CELF5: variants seen among roughly 807,000 people sequenced by gnomAD.
The protein encoded by CELF5 is CUG-BP and ETR-3 like factor 5.
CELF5 carries 6 observed loss-of-function variants against 54.9 expected under a neutral mutation model. The observed-to-expected ratio is 0.11, with a 90% confidence interval of 0.06 to 0.22. CELF5 has a LOEUF of 0.22. Ranked by LOEUF, CELF5 falls within the 10% of genes least tolerant of loss-of-function variation. The probability of loss-of-function intolerance (pLI) is 1.00; values close to 1 mark genes in which losing one functional copy is unlikely to be tolerated. For synonymous variants in CELF5, 271 were observed against 290.9 expected, an observed-to-expected ratio of 0.93 and a Z score of 0.70; for missense variants, 401 against 678.6, an observed-to-expected ratio of 0.59 and a Z score of 4.54.
At position 3,295,407 on chromosome 19, in the gene CELF5, G is replaced by A. The variant is rs1442444995; in HGVS notation, c.*41-1351G>A. ...TATAGACAGTATATATATATTTTGA[G>A]TACGGATCATGGGACCAAACTTTTC... On this transcript the variant is annotated intron_variant, in intron 12 of 12. Coordinates refer to ENST00000292672, the MANE Select transcript of CELF5 (RefSeq NM_021938.4). The A allele has an allele frequency of 2.0e-5, 3 of 152,066 alleles. No homozygotes were observed. In the East Asian group the frequency reaches 5.8e-4, roughly 29 times the overall value. The allele number at this position is 152,066 out of a possible 1,614,324, so 9.4% of individuals were successfully genotyped here.
chr19:3,284,639 G>C, intron 8 of CELF5: 1 of 528,150 alleles, frequency 1.9e-6, no homozygotes, highest in Non-Finnish European at 3.4e-6. Flanking sequence ...GGGATAGGGA[G>C]AGGGAGATGG....
chr19:3,241,109 T>G (rs2079484763), intron 1 of CELF5, among the ~76,000 whole-genome samples: 1 of 151,100 alleles, frequency 6.6e-6, no homozygotes, highest in Non-Finnish European at 1.5e-5. Flanking sequence ...GTCACCAGGC[T>G]GGAGCGCAGT....
intron 10 of CELF5, among the ~76,000 whole-genome samples, chr19:3,289,681 CAAAAAAAAAAAAAAA>C (rs35144942): frequency 3.8e-4 from 18 of 47,136 alleles, no homozygotes; most frequent in South Asian, 8.2e-4. Context: ...GACTCCATCT[CAAAAAAAAAAAAAAA>C]AAAAAAAAAA....
rs773264011 is a variant in CELF5 at position 3,285,944 on chromosome 19, A to T, written c.1105A>T (p.Met369Leu). 2 of 1,573,400 alleles carry T rather than the reference A, an allele frequency of 1.3e-6. No individual in the cohort carries two copies. Among genetic ancestry groups the T allele is most frequent in the Non-Finnish European group, 1.7e-6 (2 of 1,166,522 alleles). Residue 369 changes from methionine (M) to leucine (L), a missense_variant and splice_region_variant, in exon 10 of 13, where the codon ATG (methionine) becomes TTG (leucine). Transcript: ENST00000292672. ...GTGTCTCGCTCCGGTCTCCGCAGCC[A>T]TGTACCCCACCGCGGCCATCACGCC... The part of the protein sequence containing the change: ...AFSGVQQYTA[M>L]YPTAAITPIA...
At chr19:3,257,785 TTTTATTTATTTATTTATTTATTTA>T (rs1204284655) in intron 2 of CELF5, among the ~76,000 whole-genome samples, 3 of 80,550 alleles carry the variant, frequency 3.7e-5, no homozygotes, top group Non-Finnish European at 8.1e-5. Context: ...CTCCATTTTT[TTTTATTTATTTATTTATTTATTTA>T]TTTATTTATT....
At chr19:3,235,638 G>A (rs200899338) in intron 1 of CELF5, among the ~76,000 whole-genome samples, 2 of 113,532 alleles carry the variant, frequency 1.8e-5, no homozygotes, top group Non-Finnish European at 3.8e-5. Context: ...GGGTGGATGG[G>A]TGGATGAGTG....
At chr19:3,291,571 CAAAA>C (rs34331089) in intron 11 of CELF5, among the ~76,000 whole-genome samples, 1 of 85,216 alleles carries the variant, frequency 1.2e-5, no homozygotes. Flanking sequence ...GACTCCGACT[CAAAA>C]AAAAAAAAAA....
At chr19:3,264,371 G>T in intron 2 of CELF5, among the ~76,000 whole-genome samples, 1 of 139,442 alleles carries the variant, frequency 7.2e-6, no homozygotes, top group African/African-American at 2.7e-5. Flanking sequence ...CATCTTTTAT[G>T]TGTGCCTTCT....
intron 2 of CELF5, among the ~76,000 whole-genome samples, chr19:3,263,145 G>T (rs1057194219): frequency 6.6e-6 from 1 of 150,800 alleles, no homozygotes; most frequent in Non-Finnish European, 1.5e-5. Flanking sequence ...TACTCAGGAG[G>T]CTGAGGCATG....
At position 3,251,040 on chromosome 19, in the gene CELF5, C is replaced by G; in HGVS notation, c.315C>G (p.Ala105=). The change falls in exon 2 of 13, where the codon GCC becomes GCG. Residue 105 remains alanine (A), a synonymous_variant. Coordinates refer to ENST00000292672, the MANE Select transcript of CELF5 (RefSeq NM_021938.4). ...ATTCCGCCATCAAAGCTCAGACTGC[C>G]CTGCACGAGCAGAAGACCTTGCCCG... ...ARDSAIKAQT[A]LHEQKTLPGM... 1.9e-6 allele frequency: 3 copies of G among 1,614,026 alleles called. No homozygotes were observed. The South Asian group carries it at 3.3e-5, about 18-fold the overall frequency.
chr19:3,288,161 C>T (rs755733246), intron 10 of CELF5, among the ~76,000 whole-genome samples: 2 of 152,200 alleles, frequency 1.3e-5, no homozygotes, highest in East Asian at 1.9e-4. Context: ...AAGCAGTGCA[C>T]GAACAAATGC....
chr19:3,276,014 G>A, intron 4 of CELF5, 30 bp downstream of exon 4: 6 of 1,422,460 alleles, frequency 4.2e-6, no homozygotes, highest in Admixed American at 1.9e-5. Context: ...GCGGGACTGC[G>A]AGAGGGGCCG....
intron 2 of CELF5, among the ~76,000 whole-genome samples, chr19:3,272,153 C>G (rs556681990): frequency 1.3e-5 from 2 of 152,058 alleles, no homozygotes; most frequent in African/African-American, 2.4e-5. Flanking sequence ...GGATCACGAA[C>G]TCAGCAGATC....
intron 9 of CELF5, 62 bp from the exon 10 acceptor site, chr19:3,285,880 C>G: frequency 7.8e-7 from 1 of 1,280,348 alleles, no homozygotes; most frequent in Non-Finnish European, 1.0e-6. Flanking sequence ...CGCCCAGCGG[C>G]CCAGGCCGCC....
At chr19:3,288,723 C>G (rs2080293847) in intron 10 of CELF5, among the ~76,000 whole-genome samples, 1 of 152,020 alleles carries the variant, frequency 6.6e-6, no homozygotes, top group Admixed American at 6.6e-5. Context: ...TGGTGCGTGC[C>G]TGTGGTCCCA....
rs759499921 is a variant in CELF5, at chr19:3,290,222, C to T, written c.1187-9C>T. ...GGGGGCTTTATGTCTTTCTCTCCCC[C>T]ACCTGCAGGTCCCGAGGGCTGTAAC... is the stretch of plus-strand genomic sequence containing the variant. On this transcript the variant is annotated splice_polypyrimidine_tract_variant and intron_variant, in intron 10 of 12. Coordinates refer to ENST00000292672, the MANE Select transcript of CELF5 (RefSeq NM_021938.4). The T allele has an allele frequency of 3.7e-6, 6 of 1,612,882 alleles. No homozygotes were observed. The highest frequency in any genetic ancestry group is 1.7e-5 in the Admixed American group (1 of 59,964).
At chr19:3,242,044 G>A (rs1332376987) in intron 1 of CELF5, among the ~76,000 whole-genome samples, 1 of 152,134 alleles carries the variant, frequency 6.6e-6, no homozygotes, top group South Asian at 2.1e-4. Context: ...CAAAATGCTA[G>A]GATTACAGGC....
intron 2 of CELF5, among the ~76,000 whole-genome samples, chr19:3,252,052 T>C (rs1599417783): frequency 6.6e-6 from 1 of 151,628 alleles, no homozygotes; most frequent in African/African-American, 2.4e-5. Flanking sequence ...AGTCTCTCCT[T>C]ATTTTTATTT....
rs192694316 is a variant in CELF5 at position 3,277,453 on chromosome 19, C to T, written c.524-578C>T. 9.2e-5 allele frequency among the ~76,000 whole-genome samples: 14 copies of T among 152,278 alleles called. No homozygotes were observed. The East Asian group carries it at 2.5e-3, about 27-fold the overall frequency. ...CGCCACTGCACTCTAGCCTGGGTGA[C>T]GGAGCAAGACTCTGACTCAAAAAAA... is the stretch of plus-strand genomic sequence containing the variant. On this transcript the variant is annotated intron_variant, in intron 4 of 12. Coordinates refer to ENST00000292672, the MANE Select transcript of CELF5 (RefSeq NM_021938.4).
Sources: allele counts gnomAD v4.1 joint callset (sites outside exome capture counted in the v4.1 genomes callset), GRCh38; gene constraint gnomAD v4.1.1; transcripts MANE v1.5; gene names NCBI Gene and HGNC (gene_info 2026-07-23, HGNC 2026-07-21).